The following TUSC3 variants were observed in gnomAD, a reference collection of about 807,000 sequenced individuals.
The protein encoded by TUSC3 is dolichyl-diphosphooligosaccharide--protein glycosyltransferase subunit TUSC3.
In TUSC3, 45 loss-of-function variants were observed where a neutral mutation model predicts 44.8. The observed-to-expected ratio is 1.00, with a 90% CI of 0.79 to 1.29. TUSC3 has a LOEUF of 1.29. Among genes scored for constraint, TUSC3 ranks in the 50% most tolerant of loss-of-function variants. TUSC3 has a pLI of 0.00. For synonymous variants in TUSC3, 212 were observed against 152.9 expected (o/e 1.39, Z -2.85); for missense variants, 519 against 437.9 (o/e 1.19, Z -1.65).
intron 1 of TUSC3, among the ~76,000 whole-genome samples, chr8:15,570,952 TAG>T (rs1491391655): frequency 5.0e-5 from 6 of 121,050 alleles, no homozygotes; most frequent in South Asian, 2.5e-4. Context: ...CATTGCCTAT[TAG>T]TTTTTTTTTT....
At chr8:15,544,190 G>C (rs913402915) in intron 1 of TUSC3, among the ~76,000 whole-genome samples, 1 of 152,014 alleles carries the variant, frequency 6.6e-6, no homozygotes, top group African/African-American at 2.4e-5. Flanking sequence ...CTTTTTAGTA[G>C]TGTATCATTT....
At chr8:15,768,631 T>C (rs1205030319), downstream of TUSC3, among the ~76,000 whole-genome samples, 15 of 152,018 alleles carry the variant, frequency 9.9e-5, no homozygotes, top group East Asian at 2.7e-3. Context: ...ATAAAAAGGA[T>C]AGGAACAGAG....
intron 1 of TUSC3, among the ~76,000 whole-genome samples, chr8:15,421,405 A>C (rs1035993841): frequency 1.3e-5 from 2 of 151,966 alleles, no homozygotes; most frequent in Non-Finnish European, 2.9e-5. Context: ...TTGCTGCAAC[A>C]CTCCTTCAGA....
intron 7 of TUSC3, among the ~76,000 whole-genome samples, chr8:15,734,370 A>G (rs10097393): frequency 5.9e-5 from 9 of 152,206 alleles, no homozygotes; most frequent in African/African-American, 1.7e-4. Context: ...AAATATCTCC[A>G]TATCAGTAGT....
At chr8:15,741,474 C>T (rs959498926) in intron 7 of TUSC3, among the ~76,000 whole-genome samples, 4 of 152,150 alleles carry the variant, frequency 2.6e-5, no homozygotes, top group Middle Eastern at 3.4e-3. Context: ...TTTGGGAGAC[C>T]GAGGCAGGCA....
chr8:15,673,336 C>T (rs534766023), intron 5 of TUSC3, among the ~76,000 whole-genome samples: 1 of 151,928 alleles, frequency 6.6e-6, no homozygotes. Context: ...TTTTGGTTAT[C>T]CAAACTAATA....
chr8:15,651,733 C>A (rs955751026), intron 3 of TUSC3, among the ~76,000 whole-genome samples: 6 of 152,166 alleles, frequency 3.9e-5, no homozygotes, highest in South Asian at 4.1e-4. Context: ...AGGTCACCTA[C>A]TCTGGAATTT....
At chr8:15,735,316 G>C (rs1585281992) in intron 7 of TUSC3, among the ~76,000 whole-genome samples, 1 of 152,148 alleles carries the variant, frequency 6.6e-6, no homozygotes, top group South Asian at 2.1e-4. Context: ...AATGTCACAA[G>C]TAAGGTTCAA....
the TUSC3 span, among the ~76,000 whole-genome samples, chr8:15,835,941 GTATT>G: frequency 6.6e-6 from 1 of 152,076 alleles, no homozygotes; most frequent in East Asian, 1.9e-4. Flanking sequence ...AGTTTACAGT[GTATT>G]TATTTAGTGT....
chr8:15,756,690 G>A (rs1811941721), intron 9 of TUSC3, among the ~76,000 whole-genome samples: 1 of 152,108 alleles, frequency 6.6e-6, no homozygotes, highest in Non-Finnish European at 1.5e-5. Flanking sequence ...AAATGCAACT[G>A]GAACCATTAA....
chr8:15,687,363 C>G (rs34599046), intron 6 of TUSC3, among the ~76,000 whole-genome samples: 36,515 of 152,072 alleles, frequency 0.24, 4,712 homozygotes, highest in Non-Finnish European at 0.3. Context: ...TTTGAGGCTG[C>G]AATTGTTTTA....
chr8:15,572,520 C>T (rs112584931), intron 1 of TUSC3, among the ~76,000 whole-genome samples: 1 of 152,182 alleles, frequency 6.6e-6, no homozygotes, highest in Non-Finnish European at 1.5e-5. Flanking sequence ...GATGTGTTCA[C>T]TGGAGTAGCA....
At chr8:15,455,885 C>T (rs1025086341) in intron 1 of TUSC3, among the ~76,000 whole-genome samples, 2 of 152,208 alleles carry the variant, frequency 1.3e-5, no homozygotes, top group African/African-American at 4.8e-5. Context: ...AGACTGAATT[C>T]TGCTAAAGTG....
chr8:15,643,288 G>C (rs1040311416), intron 2 of TUSC3, among the ~76,000 whole-genome samples: 6 of 152,146 alleles, frequency 3.9e-5, no homozygotes, highest in Non-Finnish European at 5.9e-5. Context: ...AGCAGCATGA[G>C]AATGGACTAA....
At chr8:15,566,962 G>C (rs1428178851) in intron 1 of TUSC3, among the ~76,000 whole-genome samples, 1 of 152,018 alleles carries the variant, frequency 6.6e-6, no homozygotes, top group Non-Finnish European at 1.5e-5. Flanking sequence ...GTCATATTTT[G>C]GTCTTCACTT....
rs369232981 is a variant in TUSC3 at position 15,638,600 on chromosome 8, T to C, written c.309-12097T>C. On this transcript the variant is annotated intron_variant, in intron 2 of 10. Coordinates refer to ENST00000503731, the MANE Select transcript of TUSC3 (RefSeq NM_006765.4). ...GTGCAGTGGCATGATCTCTGCTCAC[T>C]GCAACCTCTCCGCCTCCTGGGTTCA... Among the ~76,000 whole-genome samples the C allele has an allele frequency of 3.3e-3, 456 of 136,940 alleles. 6 individuals carry two copies. Among genetic ancestry groups the C allele is most frequent in the African/African-American group, 0.012 (440 of 36,524 alleles). The allele number at this position is 136,940 out of a possible 152,430, so 89.8% of individuals were successfully genotyped here.
At chr8:15,733,290 A>C in intron 7 of TUSC3, 1 of 347,982 alleles carries the variant, frequency 2.9e-6, no homozygotes, top group Non-Finnish European at 5.5e-6. Flanking sequence ...GGATAGAAAC[A>C]TAAAGCATTT....
At chr8:15,696,484 A>G (rs1809171489) in intron 6 of TUSC3, among the ~76,000 whole-genome samples, 2 of 152,156 alleles carry the variant, frequency 1.3e-5, no homozygotes. Context: ...TGGAAGGGAA[A>G]TGTGGGGTCA....
At chr8:15,622,992 GAAAAT>G in intron 1 of TUSC3, 83 bp from the exon 2 acceptor site, 4 of 1,358,672 alleles carry the variant, frequency 2.9e-6, no homozygotes, top group Non-Finnish European at 4.1e-6. Flanking sequence ...TTAGGAAAAA[GAAAAT>G]AAAACATTTT....
Sources: allele counts gnomAD v4.1 joint callset (sites outside exome capture counted in the v4.1 genomes callset), GRCh38; gene constraint gnomAD v4.1.1; transcripts MANE v1.5; gene names NCBI Gene and HGNC (gene_info 2026-07-23, HGNC 2026-07-21).